The following TAFA1 variants were observed in gnomAD, a reference collection of about 807,000 sequenced individuals.
TAFA1 encodes the protein TAFA chemokine like family member 1.
A neutral mutation model predicts 18.5 loss-of-function variants in TAFA1; 4 were observed. That is an observed-to-expected ratio of 0.22 (90% confidence interval 0.11 to 0.49). TAFA1 has a LOEUF of 0.49. Among genes scored for constraint, TAFA1 ranks in the 20% least tolerant of loss-of-function variants. The pLI is 0.98. For synonymous variants in TAFA1, 56 were observed against 55.2 expected, an observed-to-expected ratio of 1.01 and a Z score of -0.06; for missense variants, 147 against 169.0, an observed-to-expected ratio of 0.87 and a Z score of 0.72.
At chr3:68,486,175 C>G (rs959830260) in intron 3 of TAFA1, among the ~76,000 whole-genome samples, 1 of 145,844 alleles carries the variant, frequency 6.9e-6, no homozygotes, top group Admixed American at 6.9e-5. Flanking sequence ...ATAAGTTGCC[C>G]AGGCTGATCT....
At chr3:68,166,887 C>G (rs766611975) in intron 2 of TAFA1, among the ~76,000 whole-genome samples, 1 of 152,114 alleles carries the variant, frequency 6.6e-6, no homozygotes, top group Non-Finnish European at 1.5e-5. Context: ...TGAAGCCTTA[C>G]CCAGTAGACA....
intron 2 of TAFA1, among the ~76,000 whole-genome samples, chr3:68,317,492 A>G (rs1490301734): frequency 6.6e-6 from 1 of 152,196 alleles, no homozygotes; most frequent in African/African-American, 2.4e-5. Flanking sequence ...GGCTCTTAAA[A>G]TGCCTATAAG....
At chr3:68,132,766 C>G (rs1387750222) in intron 2 of TAFA1, among the ~76,000 whole-genome samples, 1 of 152,050 alleles carries the variant, frequency 6.6e-6, no homozygotes, top group Non-Finnish European at 1.5e-5. Context: ...TTTGTAGATT[C>G]TGGATATTAG....
chr3:68,317,156 C>T (rs552742821), intron 2 of TAFA1, among the ~76,000 whole-genome samples: 5 of 152,174 alleles, frequency 3.3e-5, no homozygotes, highest in South Asian at 2.1e-4. Context: ...AGTTCCAATG[C>T]GTCATTTAAA....
At chr3:68,364,871 A>G (rs1413320689) in intron 2 of TAFA1, among the ~76,000 whole-genome samples, 2 of 152,200 alleles carry the variant, frequency 1.3e-5, no homozygotes, top group Non-Finnish European at 2.9e-5. Context: ...GAAGAAACTG[A>G]GGCACAGAGA....
At chr3:68,515,433 C>A (rs1057249290) in intron 3 of TAFA1, among the ~76,000 whole-genome samples, 2 of 152,144 alleles carry the variant, frequency 1.3e-5, no homozygotes, top group Non-Finnish European at 2.9e-5. Context: ...CCAGCCTGGT[C>A]ATGTGGCCAC....
chr3:68,087,522 T>TC, intron 2 of TAFA1, among the ~76,000 whole-genome samples: 1 of 142,454 alleles, frequency 7.0e-6, no homozygotes, highest in East Asian at 2.2e-4. Context: ...CTCCCTTCCT[T>TC]CCTCCCTCCC....
chr3:68,293,301 T>A (rs2172219), intron 2 of TAFA1, among the ~76,000 whole-genome samples: 1 of 152,072 alleles, frequency 6.6e-6, no homozygotes, highest in South Asian at 2.1e-4. Context: ...CTCTAGATGA[T>A]GGGTTGATAG....
chr3:68,081,105 C>A (rs964084265), intron 2 of TAFA1, among the ~76,000 whole-genome samples: 5 of 152,166 alleles, frequency 3.3e-5, no homozygotes, highest in African/African-American at 1.2e-4. Context: ...TTGATCGCAT[C>A]GGCTCCTGGG....
chr3:68,110,753 G>A (rs1292607617), intron 2 of TAFA1, among the ~76,000 whole-genome samples: 3 of 152,122 alleles, frequency 2.0e-5, no homozygotes, highest in Non-Finnish European at 4.4e-5. Flanking sequence ...ATAAACTATG[G>A]CTATCTTCCT....
At chr3:68,496,221 T>C (rs2072546520) in intron 3 of TAFA1, among the ~76,000 whole-genome samples, 1 of 152,154 alleles carries the variant, frequency 6.6e-6, no homozygotes, top group African/African-American at 2.4e-5. Context: ...TTGTGGTAGA[T>C]AGTTGCCAAG....
At chr3:68,014,302 C>A (rs1449799763) in intron 2 of TAFA1, among the ~76,000 whole-genome samples, 1 of 152,210 alleles carries the variant, frequency 6.6e-6, no homozygotes, top group African/African-American at 2.4e-5. Flanking sequence ...GGTCTTACTT[C>A]TCATTGAATT....
intron 3 of TAFA1, among the ~76,000 whole-genome samples, chr3:68,479,754 A>G (rs972473634): frequency 1.3e-5 from 2 of 152,170 alleles, no homozygotes; most frequent in African/African-American, 4.8e-5. Flanking sequence ...CATTCAAATC[A>G]TAGGGACTAA....
chr3:68,193,960 G>A (rs2066379665), intron 2 of TAFA1, among the ~76,000 whole-genome samples: 1 of 151,660 alleles, frequency 6.6e-6, no homozygotes, highest in Non-Finnish European at 1.5e-5. Context: ...TAAGCTTTAG[G>A]CCTAGATATA....
chr3:68,427,800 TG>T (rs2071085822), intron 3 of TAFA1, among the ~76,000 whole-genome samples: 1 of 151,874 alleles, frequency 6.6e-6, no homozygotes, highest in African/African-American at 2.4e-5. Flanking sequence ...AACTGAATAA[TG>T]GGGGCAGGTT....
At chr3:68,147,970 A>G (rs2065763030) in intron 2 of TAFA1, among the ~76,000 whole-genome samples, 1 of 152,174 alleles carries the variant, frequency 6.6e-6, no homozygotes, top group Non-Finnish European at 1.5e-5. Flanking sequence ...GAAATAAATC[A>G]ATTATTTGGT....
intron 3 of TAFA1, among the ~76,000 whole-genome samples, chr3:68,483,719 G>A (rs2072280494): frequency 6.6e-6 from 1 of 152,206 alleles, no homozygotes; most frequent in Non-Finnish European, 1.5e-5. Flanking sequence ...GCTGATATAG[G>A]TAAACTTGTG....
intron 2 of TAFA1, among the ~76,000 whole-genome samples, chr3:68,231,630 G>T (rs539837792): frequency 6.6e-6 from 1 of 152,102 alleles, no homozygotes; most frequent in South Asian, 2.1e-4. Flanking sequence ...AAAGCGCTGG[G>T]ATTACAGGCG....
intron 2 of TAFA1, among the ~76,000 whole-genome samples, chr3:68,074,398 C>T (rs537617263): frequency 1.9e-4 from 29 of 152,220 alleles, no homozygotes; most frequent in Non-Finnish European, 2.6e-4. Context: ...AGAAGCTTAA[C>T]GGAAGACTCT....
Sources: allele counts gnomAD v4.1 joint callset (sites outside exome capture counted in the v4.1 genomes callset), GRCh38; gene constraint gnomAD v4.1.1; transcripts MANE v1.5; gene names NCBI Gene and HGNC (gene_info 2026-07-23, HGNC 2026-07-21).